PRPF3: variants seen among roughly 807,000 people sequenced by gnomAD.
PRPF3 encodes the protein pre-mRNA processing factor 3.
PRPF3 carries 3 observed loss-of-function variants against 89.2 expected under a neutral mutation model. That is an observed-to-expected ratio of 0.03 (90% CI 0.02 to 0.09). The LOEUF is 0.09. Ranked by LOEUF, PRPF3 falls within the 10% of genes least tolerant of loss-of-function variation. PRPF3 has a pLI of 1.00. For synonymous variants in PRPF3, 270 were observed against 289.1 expected, an observed-to-expected ratio of 0.93 and a Z score of 0.67; for missense variants, 463 against 828.8, an observed-to-expected ratio of 0.56 and a Z score of 5.42.
chr1:150,325,898 T>C lies in PRPF3; in HGVS notation c.276+17T>C, dbSNP rs782251644. On this transcript the variant is annotated intron_variant, in intron 3 of 15. Coordinates refer to ENST00000324862, the MANE Select transcript of PRPF3 (RefSeq NM_004698.4). ...GAGCTAAAGGTAGGTTACAATTTACTGTCTAATGAGCTCAGGACTGTTTTG... is the reference window on the plus strand; with the variant it reads ...GAGCTAAAGGTAGGTTACAATTTACCGTCTAATGAGCTCAGGACTGTTTTG... 3.1e-6 allele frequency: 5 copies of C among 1,610,794 alleles called. No individual in the cohort carries two copies. The highest frequency in any genetic ancestry group is 2.7e-5 in the African/African-American group (2 of 74,834).
At chr1:150,321,751 G>T (rs1655067438) in intron 1 of PRPF3, among the ~76,000 whole-genome samples, 159 bp downstream of exon 1, 1 of 150,984 alleles carries the variant, frequency 6.6e-6, no homozygotes. Flanking sequence ...TGAGATTGTT[G>T]AGAGGAAAAG....
intron 9 of PRPF3, among the ~76,000 whole-genome samples, chr1:150,341,248 C>G (rs587731614): frequency 6.6e-6 from 1 of 152,020 alleles, no homozygotes; most frequent in East Asian, 1.9e-4. Flanking sequence ...GTTGTTGTGG[C>G]ATCCACAGCT....
chr1:150,352,182 A>T (rs782623436), intron 15 of PRPF3, among the ~76,000 whole-genome samples: 23 of 152,124 alleles, frequency 1.5e-4, no homozygotes, highest in Non-Finnish European at 3.2e-4. Flanking sequence ...GCTTATATAA[A>T]TAGTTTCTGG....
At chr1:150,325,945 C>A (rs1428219688) in intron 3 of PRPF3, 64 bp downstream of exon 3, 1 of 1,585,204 alleles carries the variant, frequency 6.3e-7, no homozygotes, top group Non-Finnish European at 8.6e-7. Flanking sequence ...AGTTGCTGAG[C>A]TTACCAGTTC....
chr1:150,345,343 T>TTTTATTTA (rs200871113), intron 12 of PRPF3, among the ~76,000 whole-genome samples: 9 of 151,424 alleles, frequency 5.9e-5, no homozygotes, highest in African/African-American at 2.2e-4. Context: ...TATATATATA[T>TTTTATTTA]TTTATTTATT....
chr1:150,334,799 G>T (rs1260408), intron 6 of PRPF3, 136 bp from the exon 7 acceptor site: 409,872 of 1,012,946 alleles, frequency 0.4, 86,781 homozygotes, highest in East Asian at 0.65. Context: ...TAACTCCTGG[G>T]CTCAAGTGAT....
At chr1:150,323,259 C>T (rs1432222116) in intron 1 of PRPF3, among the ~76,000 whole-genome samples, 2 of 145,938 alleles carry the variant, frequency 1.4e-5, no homozygotes, top group African/African-American at 2.5e-5. Context: ...TCACCGCAAC[C>T]TCCGCCTCCT....
At position 150,332,990 on chromosome 1, in the gene PRPF3, T is replaced by G; in HGVS notation, c.519T>G (p.Pro173=). The G allele has an allele frequency of 7.4e-6, 12 of 1,613,580 alleles. No homozygotes were observed. Among genetic ancestry groups the G allele is most frequent in the Non-Finnish European group, 1.0e-5 (12 of 1,179,858 alleles). ...ISPPTPQPKT[P]SSSQPERLPI... Reference sequence around the variant, plus strand: ...TCTCTATCTCACAGCCAAAGACTCCTTCTTCCTCCCAACCAGAACGACTTC... The same window carrying G: ...TCTCTATCTCACAGCCAAAGACTCCGTCTTCCTCCCAACCAGAACGACTTC... The change falls in exon 6 of 16, where the codon CCT becomes CCG. Residue 173 remains proline, a synonymous_variant. Transcript: ENST00000324862.
chr1:150,325,017 C>T lies in PRPF3; in HGVS notation c.75C>T (p.Phe25=), dbSNP rs587619774. 6.2e-7 allele frequency: 1 copy of T among 1,613,656 alleles called. No individual in the cohort carries two copies. The highest frequency in any genetic ancestry group is 8.5e-7 in the Non-Finnish European group (1 of 1,179,864). Residue 25 remains phenylalanine, a synonymous_variant, in exon 2 of 16, where the codon TTC becomes TTT. Coordinates refer to ENST00000324862, the MANE Select transcript of PRPF3 (RefSeq NM_004698.4). Reference sequence around the variant, plus strand: ...AGACAGTGAAGAGGGTCCTGGGTTTCTCAGAGCCTACGGTGGTCACAGCAG... The same window carrying T: ...AGACAGTGAAGAGGGTCCTGGGTTTTTCAGAGCCTACGGTGGTCACAGCAG... ...IEKTVKRVLG[F]SEPTVVTAAL... is the part of the protein sequence containing the mutation.
intron 15 of PRPF3, among the ~76,000 whole-genome samples, chr1:150,352,395 G>T (rs1278550708): frequency 2.0e-5 from 3 of 152,230 alleles, no homozygotes; most frequent in African/African-American, 7.2e-5. Context: ...GCCGGGCGCG[G>T]TGGCTCACGC....
intron 7 of PRPF3, among the ~76,000 whole-genome samples, chr1:150,336,959 A>G (rs1553868034): frequency 6.6e-6 from 1 of 151,056 alleles, no homozygotes; most frequent in South Asian, 2.1e-4. Flanking sequence ...GAGACAGTAC[A>G]CCTGGAGAGT....
intron 10 of PRPF3, 51 bp from the exon 11 acceptor site, chr1:150,344,111 C>G (rs1553872180): frequency 6.7e-7 from 1 of 1,489,958 alleles, no homozygotes; most frequent in Non-Finnish European, 9.4e-7. Context: ...CAAGTTACTC[C>G]AGCTGGAGAA....
intron 9 of PRPF3, among the ~76,000 whole-genome samples, chr1:150,341,400 A>ATTTTTTTTTTTTTTTTTTTTTTTT (rs1169772517): frequency 2.0e-5 from 2 of 101,906 alleles, no homozygotes; most frequent in Non-Finnish European, 3.8e-5. Flanking sequence ...AGTTGCTTCT[A>ATTTTTTTTTTTTTTTTTTTTTTTT]TTTTTTTTTT....
intron 4 of PRPF3, among the ~76,000 whole-genome samples, chr1:150,331,184 G>A (rs782370768): frequency 4.6e-5 from 7 of 150,670 alleles, no homozygotes; most frequent in African/African-American, 1.5e-4. Flanking sequence ...ATTACAGAAC[G>A]TGCATCACCA....
intron 7 of PRPF3, among the ~76,000 whole-genome samples, 172 bp from the exon 8 acceptor site, chr1:150,337,988 C>T (rs1428209571): frequency 6.6e-6 from 1 of 151,382 alleles, no homozygotes; most frequent in South Asian, 2.1e-4. Context: ...GCAGGAGAAT[C>T]GCTTAAACCT....
At position 150,334,920 on chromosome 1, in the gene PRPF3, C is replaced by A. The variant is rs587746193; in HGVS notation, c.729-15C>A. 2 of 1,613,550 alleles carry A rather than the reference C, an allele frequency of 1.2e-6. No homozygotes were observed. The highest frequency in any genetic ancestry group is 2.2e-5 in the East Asian group (1 of 44,872). ...GTTCCATACAGGATTTATTTCTTTG[C>A]GGGCTATTTTTCAGGAAGGTGGAGT... On this transcript the variant is annotated splice_polypyrimidine_tract_variant and intron_variant, in intron 6 of 15. Coordinates refer to ENST00000324862, the MANE Select transcript of PRPF3 (RefSeq NM_004698.4).
chr1:150,346,640 C>A, intron 14 of PRPF3, 149 bp downstream of exon 14: 1 of 773,072 alleles, frequency 1.3e-6, no homozygotes, highest in Non-Finnish European at 2.2e-6. Context: ...AGACTTTGAG[C>A]CTCCTAGACA....
intron 4 of PRPF3, among the ~76,000 whole-genome samples, chr1:150,329,507 A>G (rs1656092544): frequency 6.6e-6 from 1 of 152,244 alleles, no homozygotes; most frequent in Non-Finnish European, 1.5e-5. Context: ...TGAAATGATC[A>G]GAACTCATCT....
At chr1:150,332,602 G>A in intron 4 of PRPF3, 82 bp from the exon 5 acceptor site, 1 of 1,322,906 alleles carries the variant, frequency 7.6e-7, no homozygotes, top group Non-Finnish European at 1.1e-6. Flanking sequence ...CTAGACCTGA[G>A]AGCCTTGTGG....
Sources: allele counts gnomAD v4.1 joint callset (sites outside exome capture counted in the v4.1 genomes callset), GRCh38; gene constraint gnomAD v4.1.1; transcripts MANE v1.5; gene names NCBI Gene and HGNC (gene_info 2026-07-23, HGNC 2026-07-21).